Variants in DYNC2H1 observed in about 807,000 individuals in gnomAD.
DYNC2H1 encodes dynein cytoplasmic 2 heavy chain 1.
Under a neutral mutation model 570.0 loss-of-function variants are expected in DYNC2H1, and 410 were observed. The observed-to-expected ratio is 0.72, with a 90% confidence interval of 0.66 to 0.78. DYNC2H1 has a LOEUF of 0.78. Ranked by LOEUF, DYNC2H1 falls within the 30% of genes least tolerant of loss-of-function variation. The pLI, the probability that DYNC2H1 is intolerant of heterozygous loss-of-function variation, is 0.00. For missense variants in DYNC2H1, 4,865 were observed against 5,046.4 expected (o/e 0.96, Z 1.09); for synonymous variants, 1,688 against 1,677.6 (o/e 1.01, Z -0.15).
intron 70 of DYNC2H1, among the ~76,000 whole-genome samples, chr11:103,269,038 G>A (rs1035949598): frequency 6.6e-6 from 1 of 152,036 alleles, no homozygotes; most frequent in African/African-American, 2.4e-5. Flanking sequence ...TTAGGCAAAA[G>A]GCAGCATTTT....
At chr11:103,226,440 G>A (rs1057015687) in intron 59 of DYNC2H1, among the ~76,000 whole-genome samples, 12 of 152,142 alleles carry the variant, frequency 7.9e-5, no homozygotes, top group African/African-American at 2.9e-4. Flanking sequence ...ACTGGATTTT[G>A]TTAAATGCTT....
chr11:103,450,455 T>C (rs1228067498), intron 85 of DYNC2H1, among the ~76,000 whole-genome samples: 2 of 152,182 alleles, frequency 1.3e-5, no homozygotes, highest in African/African-American at 4.8e-5. Context: ...CTAGTCTAAA[T>C]AAATCTAACA....
intron 18 of DYNC2H1, among the ~76,000 whole-genome samples, chr11:103,144,563 G>A (rs961671958): frequency 6.6e-6 from 1 of 152,168 alleles, no homozygotes; most frequent in African/African-American, 2.4e-5. Context: ...CAGGAATTGT[G>A]TGCTGAAAAT....
intron 17 of DYNC2H1, among the ~76,000 whole-genome samples, chr11:103,142,326 G>A (rs1450410644): frequency 1.3e-5 from 2 of 152,168 alleles, no homozygotes; most frequent in Non-Finnish European, 1.5e-5. Context: ...CTGTAGATGG[G>A]AGCTGTTCCT....
chr11:103,179,712 T>C (rs1861772491), intron 39 of DYNC2H1, among the ~76,000 whole-genome samples: 1 of 151,774 alleles, frequency 6.6e-6, no homozygotes, highest in Non-Finnish European at 1.5e-5. Context: ...TTTTACAAAT[T>C]GAACACCTCT....
chr11:103,111,836 C>T (rs1264027513), intron 1 of DYNC2H1, among the ~76,000 whole-genome samples: 1 of 151,972 alleles, frequency 6.6e-6, no homozygotes, highest in Non-Finnish European at 1.5e-5. Flanking sequence ...TGATAGTTAG[C>T]GTGATTCAAT....
chr11:103,134,514 A>C, intron 15 of DYNC2H1, 95 bp downstream of exon 15: 1 of 859,152 alleles, frequency 1.2e-6, no homozygotes. Context: ...CATAAAAGTT[A>C]TCTTTAAATC....
chr11:103,337,024 T>C (rs567709584), intron 82 of DYNC2H1, among the ~76,000 whole-genome samples: 56 of 152,312 alleles, frequency 3.7e-4, no homozygotes, highest in African/African-American at 1.3e-3. Context: ...CTGAAGGTCA[T>C]GGGTTTACCA....
At chr11:103,297,684 C>T (rs531911540) in intron 75 of DYNC2H1, among the ~76,000 whole-genome samples, 9 of 152,174 alleles carry the variant, frequency 5.9e-5, no homozygotes, top group African/African-American at 1.2e-4. Context: ...CATGGTCCAT[C>T]GTTGATTGAA....
chr11:103,273,435 C>T (rs918766753), intron 70 of DYNC2H1, among the ~76,000 whole-genome samples: 6 of 152,122 alleles, frequency 3.9e-5, no homozygotes, highest in East Asian at 3.8e-4. Flanking sequence ...GTCATCTGCC[C>T]GCCTCTCCCT....
rs183692399 is a variant in DYNC2H1 at position 103,409,255 on chromosome 11, A to G, written c.12366+9383A>G. ...AAGGTGCTTATTGTATCACTTATTA[A>G]TATTAGGCTGTTAACGGTCAGTGGG... On this transcript the variant is annotated intron_variant, in intron 84 of 88. Coordinates refer to ENST00000375735, the MANE Select transcript of DYNC2H1 (RefSeq NM_001377.3). Among the ~76,000 whole-genome samples the G allele has an allele frequency of 2.6e-5, 4 of 152,166 alleles. No individual in the cohort carries two copies. The East Asian group carries it at 7.7e-4, about 29-fold the overall frequency.
intron 79 of DYNC2H1, among the ~76,000 whole-genome samples, chr11:103,314,012 T>C (rs1360756108): frequency 6.6e-6 from 1 of 152,136 alleles, no homozygotes; most frequent in Non-Finnish European, 1.5e-5. Flanking sequence ...GAAGGATAGA[T>C]GAACAACACT....
chr11:103,189,094 A>G lies in DYNC2H1; in HGVS notation c.7292+446A>G, dbSNP rs1862194084. Among the ~76,000 whole-genome samples, 2 of 152,056 alleles carry G rather than the reference A, an allele frequency of 1.3e-5. No individual in the cohort carries two copies. Among genetic ancestry groups the G allele is most frequent in the Non-Finnish European group, 2.9e-5 (2 of 68,004 alleles). ...ATCTCCACGGGCCATAATTACAGAG[A>G]CTATGGCAATATCTCCTCTGTTTAT... is the stretch of plus-strand genomic sequence containing the variant. On this transcript the variant is annotated intron_variant, in intron 44 of 88. Transcript: ENST00000375735. This position sits in a 1 kb window ranked among gnomAD's most constrained non-coding sequence, Gnocchi z 4.3.
In DYNC2H1 at chr11:103,145,770, T is replaced by C. The variant is rs576926050; in HGVS notation, c.2703-2002T>C. On this transcript the variant is annotated intron_variant, in intron 18 of 88. Coordinates refer to ENST00000375735, the MANE Select transcript of DYNC2H1 (RefSeq NM_001377.3). The surrounding 1 kb of genome is among the most constrained non-coding windows in gnomAD (Gnocchi z 4.2). The stretch of plus-strand genomic sequence containing the variant: ...TTTAGATAGTATCATAAGAAAATCA[T>C]TTTTGAATATGCATCTTTGATATAT... Among the ~76,000 whole-genome samples the C allele has an allele frequency of 9.9e-4, 151 of 152,332 alleles. No individual in the cohort carries two copies. Among genetic ancestry groups the C allele is most frequent in the Non-Finnish European group, 1.2e-3 (85 of 68,026 alleles).
In DYNC2H1 at chr11:103,217,482, G is replaced by A. The variant is rs185471139; in HGVS notation, c.8832+1624G>A. ...TTACACAAAAATGCCAAATAAATGG[G>A]GAAAGATAGTCTTTTTGAAAAATGG... On this transcript the variant is annotated intron_variant, in intron 55 of 88. Coordinates refer to ENST00000375735, the MANE Select transcript of DYNC2H1 (RefSeq NM_001377.3). Among the ~76,000 whole-genome samples the A allele has an allele frequency of 9.2e-5, 14 of 152,192 alleles. No homozygotes were observed. The East Asian group carries it at 2.7e-3, about 29-fold the overall frequency.
At chr11:103,335,367 A>G (rs72977618) in intron 82 of DYNC2H1, among the ~76,000 whole-genome samples, 10,354 of 152,168 alleles carry the variant, frequency 0.068, 370 homozygotes, top group Non-Finnish European at 0.076. Flanking sequence ...TTTATATGGA[A>G]TGTTTCAATC....
Position 103,241,750 on chromosome 11 carries a change from C to G in DYNC2H1, c.9820-1943C>G, listed in dbSNP as rs78101425. Among the ~76,000 whole-genome samples the G allele has an allele frequency of 0.016, 2,365 of 152,172 alleles. 65 individuals are homozygous for G. Among genetic ancestry groups the G allele is most frequent in the African/African-American group, 0.052 (2,151 of 41,508 alleles). On this transcript the variant is annotated intron_variant, in intron 63 of 88. Transcript: ENST00000375735. This position sits in a 1 kb window ranked among gnomAD's most constrained non-coding sequence, Gnocchi z 5.1. ...TACGTGATGGAGCAGTAAGTGAAAT[C>G]TCTAGAAATAGATGCTGGGTGATGC... is the stretch of plus-strand genomic sequence containing the variant.
At chr11:103,370,254 G>C (rs973390049) in intron 83 of DYNC2H1, among the ~76,000 whole-genome samples, 1 of 152,252 alleles carries the variant, frequency 6.6e-6, no homozygotes, top group African/African-American at 2.4e-5. Context: ...AAGGAAGAAA[G>C]GAGAAGGACT....
rs576639446 is a variant in DYNC2H1, at chr11:103,399,621, C to A, written c.12157-42C>A. 2.0e-5 allele frequency: 28 copies of A among 1,394,508 alleles called. 1 individual carries two copies. In the South Asian group the frequency reaches 3.3e-4, roughly 17 times the overall value. The allele number at this position is 1,394,508 out of a possible 1,614,324, so 86.4% of individuals were successfully genotyped here. A position where few individuals can be genotyped will look rare whatever the true frequency, so the allele number is the denominator to read the frequency against. ...TCAAAGCGTTTTATATATCAGTGAT[C>A]TGTGTTACTATTCGGTAAATATTAT... On this transcript the variant is annotated intron_variant, in intron 83 of 88. Transcript: ENST00000375735.
Sources: gnomAD v4.1 joint callset for allele counts (sites outside exome capture counted in the v4.1 genomes callset) on GRCh38, gnomAD v4.1.1 for gene constraint, Gnocchi (gnomAD v3.1) non-coding constraint, MANE v1.5 for transcripts, NCBI Gene and HGNC (gene_info 2026-07-23, HGNC 2026-07-21) for gene names.